HS6ST3: variants seen among roughly 807,000 people sequenced by gnomAD.
The protein encoded by HS6ST3 is heparan sulfate 6-O-sulfotransferase 3, also known as heparan-sulfate 6-O-sulfotransferase 3.
A neutral mutation model predicts 36.7 loss-of-function variants in HS6ST3; 12 were observed. The ratio of observed to expected loss-of-function variants is 0.33; its 90% CI spans 0.21 to 0.53. The LOEUF (loss-of-function observed/expected upper bound fraction) is 0.53. HS6ST3 is among the 20% of genes least tolerant of loss of function. The pLI is 0.95. For synonymous variants in HS6ST3, 240 were observed against 257.5 expected (o/e 0.93, Z 0.65); for missense variants, 584 against 640.9 (o/e 0.91, Z 0.96).
intron 1 of HS6ST3, among the ~76,000 whole-genome samples, chr13:96,443,478 C>T (rs979908476): frequency 2.9e-5 from 4 of 136,774 alleles, no homozygotes; most frequent in Non-Finnish European, 6.1e-5. Context: ...TGCAGTGAGC[C>T]GAGATCACGC....
chr13:96,435,110 G>T (rs1369060986), intron 1 of HS6ST3, among the ~76,000 whole-genome samples: 1 of 151,932 alleles, frequency 6.6e-6, no homozygotes, highest in Admixed American at 6.6e-5. Context: ...ATTCCTTGAA[G>T]CACTCTGGAA....
chr13:96,698,756 G>C lies in HS6ST3; in HGVS notation c.708-133734G>C, dbSNP rs577709491. On this transcript the variant is annotated intron_variant, in intron 1 of 1. Transcript: ENST00000376705. ...TTCTTCACAGAATTGGAAAAAACTA[G>C]TTCATATGGAACCAAAAAAGAGCCC... 3.3e-4 allele frequency among the ~76,000 whole-genome samples: 50 copies of C among 151,708 alleles called. 1 individual carries two copies. The South Asian group carries it at 0.01, about 31-fold the overall frequency.
intron 1 of HS6ST3, among the ~76,000 whole-genome samples, chr13:96,831,034 G>A (rs950573614): frequency 6.6e-6 from 1 of 152,158 alleles, no homozygotes; most frequent in African/African-American, 2.4e-5. Flanking sequence ...GGTTGGGGTG[G>A]GCAGCCCATT....
intron 1 of HS6ST3, among the ~76,000 whole-genome samples, chr13:96,791,469 ATCC>A (rs1877792390): frequency 6.6e-6 from 1 of 151,996 alleles, no homozygotes; most frequent in Admixed American, 6.6e-5. Flanking sequence ...TAGCCTCAGA[ATCC>A]TCCTAAACAC....
intron 1 of HS6ST3, among the ~76,000 whole-genome samples, chr13:96,822,313 G>T (rs191080852): frequency 6.6e-6 from 1 of 152,164 alleles, no homozygotes; most frequent in Non-Finnish European, 1.5e-5. Context: ...AAAGCAGGGC[G>T]CCTCTGAACC....
intron 1 of HS6ST3, among the ~76,000 whole-genome samples, chr13:96,417,271 G>T (rs2055538296): frequency 6.6e-6 from 1 of 152,048 alleles, no homozygotes; most frequent in Non-Finnish European, 1.5e-5. Context: ...CAAGGAGCTG[G>T]AGGTTTAGAG....
intron 1 of HS6ST3, among the ~76,000 whole-genome samples, chr13:96,465,691 T>C (rs1486113516): frequency 6.6e-6 from 1 of 152,156 alleles, no homozygotes; most frequent in African/African-American, 2.4e-5. Context: ...TTTCTGCTTT[T>C]GAACCTGGGT....
intron 1 of HS6ST3, among the ~76,000 whole-genome samples, chr13:96,597,465 A>G (rs1159565115): frequency 6.6e-6 from 1 of 151,944 alleles, no homozygotes; most frequent in Non-Finnish European, 1.5e-5. Context: ...TGCCATTTGT[A>G]TAATTTCTTT....
At chr13:96,692,392 G>A (rs1157747616) in intron 1 of HS6ST3, among the ~76,000 whole-genome samples, 3 of 152,064 alleles carry the variant, frequency 2.0e-5, no homozygotes, top group African/African-American at 7.2e-5. Context: ...CAAGAAAAAA[G>A]TCTGTGCATG....
At chr13:96,576,859 G>A (rs137901895) in intron 1 of HS6ST3, among the ~76,000 whole-genome samples, 2,202 of 143,234 alleles carry the variant, frequency 0.015, 31 homozygotes, top group Non-Finnish European at 0.022. Context: ...CAGGAGAATC[G>A]CTTGAACCCA....
chr13:96,204,443 T>C (rs1163901850), intron 1 of HS6ST3, among the ~76,000 whole-genome samples: 2 of 152,116 alleles, frequency 1.3e-5, no homozygotes, highest in African/African-American at 4.8e-5. Flanking sequence ...AGACAGATCA[T>C]TGAGACAGAA....
chr13:96,537,311 A>G (rs191523731), intron 1 of HS6ST3, among the ~76,000 whole-genome samples: 1 of 152,284 alleles, frequency 6.6e-6, no homozygotes, highest in Non-Finnish European at 1.5e-5. Flanking sequence ...TGATTCAGTT[A>G]TCTCCCAGGG....
At chr13:96,607,449 G>A (rs1036417515) in intron 1 of HS6ST3, among the ~76,000 whole-genome samples, 1 of 152,156 alleles carries the variant, frequency 6.6e-6, no homozygotes, top group African/African-American at 2.4e-5. Flanking sequence ...ATTTATTAGA[G>A]AACCGGCTTG....
intron 1 of HS6ST3, among the ~76,000 whole-genome samples, chr13:96,643,828 T>C (rs2056578874): frequency 6.6e-6 from 1 of 151,920 alleles, no homozygotes; most frequent in South Asian, 2.1e-4. Flanking sequence ...CTGTTGGTTT[T>C]TAAGGTTACC....
intron 1 of HS6ST3, among the ~76,000 whole-genome samples, chr13:96,274,810 C>T (rs902234231): frequency 1.4e-5 from 2 of 147,822 alleles, no homozygotes; most frequent in African/African-American, 4.9e-5. Context: ...CATAAAATTC[C>T]ATTATCAGTG....
At chr13:96,376,066 G>A (rs1043569313) in intron 1 of HS6ST3, among the ~76,000 whole-genome samples, 1 of 152,080 alleles carries the variant, frequency 6.6e-6, no homozygotes, top group African/African-American at 2.4e-5. Context: ...ATGGAACCCC[G>A]AATGATCAAC....
At chr13:96,525,137 C>T (rs949755821) in intron 1 of HS6ST3, among the ~76,000 whole-genome samples, 4 of 152,106 alleles carry the variant, frequency 2.6e-5, no homozygotes, top group Admixed American at 6.5e-5. Context: ...TGTTTTCTCT[C>T]GTATCAATTA....
At chr13:96,651,451 C>A (rs550563546) in intron 1 of HS6ST3, among the ~76,000 whole-genome samples, 3 of 152,050 alleles carry the variant, frequency 2.0e-5, no homozygotes, top group African/African-American at 7.2e-5. Flanking sequence ...AATCTTGCCT[C>A]CTCTGATATC....
At chr13:96,531,382 T>C (rs1423860294) in intron 1 of HS6ST3, among the ~76,000 whole-genome samples, 2 of 152,018 alleles carry the variant, frequency 1.3e-5, no homozygotes, top group African/African-American at 2.4e-5. Flanking sequence ...TCACACATAC[T>C]GTGGAAGATT....
Sources: allele counts gnomAD v4.1 joint callset (sites outside exome capture counted in the v4.1 genomes callset), GRCh38; gene constraint gnomAD v4.1.1; transcripts MANE v1.5; gene names NCBI Gene and HGNC (gene_info 2026-07-23, HGNC 2026-07-21).